CEP128: variants seen among roughly 807,000 people sequenced by gnomAD.
CEP128 encodes centrosomal protein 128.
CEP128 carries 132 observed loss-of-function variants against 156.7 expected under a neutral mutation model. The observed-to-expected ratio is 0.84, with a 90% CI of 0.73 to 0.97. The LOEUF is 0.97. CEP128 is among the 50% of genes least tolerant of loss of function. The pLI is 0.00. For synonymous variants in CEP128, 469 were observed against 448.9 expected (o/e 1.04, Z -0.57); for missense variants, 1,252 against 1,281.9 (o/e 0.98, Z 0.36).
intron 9 of CEP128, among the ~76,000 whole-genome samples, chr14:80,850,123 C>A (rs1046944178): frequency 1.3e-4 from 19 of 151,978 alleles, no homozygotes; most frequent in Non-Finnish European, 2.5e-4. Context: ...AACTATAATA[C>A]AAAGGCAAAG....
At chr14:80,479,888 G>A (rs1887017599) in intron 14 of CEP128, among the ~76,000 whole-genome samples, 1 of 152,132 alleles carries the variant, frequency 6.6e-6, no homozygotes, top group Admixed American at 6.6e-5. Context: ...GGTAAATACA[G>A]CCATTGCAAG....
chr14:80,947,327 T>C (rs1886369681), intron 2 of CEP128, among the ~76,000 whole-genome samples: 1 of 151,916 alleles, frequency 6.6e-6, no homozygotes, highest in Non-Finnish European at 1.5e-5. Flanking sequence ...GCCTTAGAGA[T>C]GGGGGGTGAC....
chr14:80,649,472 TA>T (rs1156838411), intron 19 of CEP128, among the ~76,000 whole-genome samples: 1 of 151,738 alleles, frequency 6.6e-6, no homozygotes, highest in Non-Finnish European at 1.5e-5. Flanking sequence ...AAAAAGAGAT[TA>T]AAAAAAGGAC....
intron 8 of CEP128, among the ~76,000 whole-genome samples, chr14:80,880,063 A>G (rs1051835872): frequency 1.1e-4 from 16 of 152,362 alleles, no homozygotes; most frequent in African/African-American, 3.6e-4. Flanking sequence ...TCTGATGAAC[A>G]CTGATGGAAA....
intron 19 of CEP128, among the ~76,000 whole-genome samples, chr14:80,622,785 C>T (rs535497523): frequency 0.026 from 3,840 of 149,832 alleles, 143 homozygotes; most frequent in African/African-American, 0.09. Flanking sequence ...GTTAGAATGG[C>T]AATCATTAAA....
chr14:80,873,268 T>C (rs138386141), intron 8 of CEP128, among the ~76,000 whole-genome samples: 37 of 152,352 alleles, frequency 2.4e-4, no homozygotes, highest in African/African-American at 7.5e-4. Context: ...GGAGTCATTC[T>C]TGATGCATGG....
intron 8 of CEP128, among the ~76,000 whole-genome samples, chr14:80,886,653 C>T (rs968694914): frequency 2.0e-5 from 3 of 152,176 alleles, no homozygotes; most frequent in Admixed American, 1.3e-4. Flanking sequence ...AAGGAAAAAC[C>T]AGTACCAGCC....
intron 15 of CEP128, among the ~76,000 whole-genome samples, chr14:80,781,235 G>A (rs1159044802): frequency 6.6e-6 from 1 of 152,100 alleles, no homozygotes; most frequent in Non-Finnish European, 1.5e-5. Flanking sequence ...AGGTGGGGGG[G>A]ATCATGAGGT....
At chr14:80,592,445 T>A (rs888758003) in intron 19 of CEP128, among the ~76,000 whole-genome samples, 1 of 152,078 alleles carries the variant, frequency 6.6e-6, no homozygotes, top group Non-Finnish European at 1.5e-5. Flanking sequence ...CTCCCAAGAC[T>A]AAACTAGGAA....
At chr14:80,644,111 T>C (rs189777685) in intron 19 of CEP128, among the ~76,000 whole-genome samples, 1 of 152,166 alleles carries the variant, frequency 6.6e-6, no homozygotes, top group African/African-American at 2.4e-5. Flanking sequence ...ACGCTAAAGA[T>C]TGCCAGCCAC....
intron 9 of CEP128, among the ~76,000 whole-genome samples, chr14:80,861,537 T>C (rs1595512108): frequency 6.6e-6 from 1 of 152,052 alleles, no homozygotes; most frequent in Non-Finnish European, 1.5e-5. Context: ...AACCTGAATC[T>C]AGTCATGAAG....
At chr14:80,804,791 A>C (rs1274548427) in intron 13 of CEP128, among the ~76,000 whole-genome samples, 1 of 152,148 alleles carries the variant, frequency 6.6e-6, no homozygotes, top group Non-Finnish European at 1.5e-5. Flanking sequence ...ACTAAACTAA[A>C]ATGGAGTAGA....
chr14:80,832,031 T>G (rs549290562), intron 12 of CEP128, among the ~76,000 whole-genome samples: 1 of 152,172 alleles, frequency 6.6e-6, no homozygotes, highest in South Asian at 2.1e-4. Context: ...GCTCTTTCCA[T>G]GCTGTTCTCA....
chr14:80,657,484 CT>C (rs201849448), intron 19 of CEP128, among the ~76,000 whole-genome samples: 3,580 of 152,054 alleles, frequency 0.024, 119 homozygotes, highest in South Asian at 0.17. Flanking sequence ...AACTCTGTCT[CT>C]ACTAAAAATA....
chr14:80,798,326 G>A (rs34052204), intron 13 of CEP128, among the ~76,000 whole-genome samples: 13,862 of 152,196 alleles, frequency 0.091, 1,138 homozygotes, highest in East Asian at 0.43. Flanking sequence ...ATTTATTAAA[G>A]AGGAAAGAAA....
chr14:80,652,105 T>TTTC (rs1034672511), intron 19 of CEP128, among the ~76,000 whole-genome samples: 13 of 152,124 alleles, frequency 8.5e-5, no homozygotes, highest in African/African-American at 3.1e-4. Context: ...GGATTCCCTG[T>TTTC]TTAATAAATG....
chr14:80,935,544 A>G (rs898375477), intron 2 of CEP128, among the ~76,000 whole-genome samples: 4 of 147,020 alleles, frequency 2.7e-5, no homozygotes, highest in African/African-American at 1.0e-4. Context: ...AAGACAGAGT[A>G]AGAGTCTGTC....
At chr14:80,569,303 C>A (rs753478427) in intron 20 of CEP128, among the ~76,000 whole-genome samples, 3 of 152,172 alleles carry the variant, frequency 2.0e-5, no homozygotes, top group Non-Finnish European at 4.4e-5. Context: ...AAACATTTTA[C>A]TTTTCAGGAC....
intron 9 of CEP128, among the ~76,000 whole-genome samples, chr14:80,855,665 G>A (rs1158290901): frequency 3.3e-5 from 5 of 152,082 alleles, no homozygotes; most frequent in Non-Finnish European, 5.9e-5. Flanking sequence ...AAGCAAAGGC[G>A]AGTCCAAGAT....
Sources: allele counts gnomAD v4.1 joint callset (sites outside exome capture counted in the v4.1 genomes callset), GRCh38; gene constraint gnomAD v4.1.1; transcripts MANE v1.5; gene names NCBI Gene and HGNC (gene_info 2026-07-23, HGNC 2026-07-21).